The following MYLK variants were observed in gnomAD, a reference collection of about 807,000 sequenced individuals.
The protein encoded by MYLK is myosin light chain kinase, smooth muscle.
In MYLK, 106 loss-of-function variants were observed where a neutral mutation model predicts 203.4. That is an observed-to-expected ratio of 0.52 (90% confidence interval 0.45 to 0.61). The LOEUF (loss-of-function observed/expected upper bound fraction) is 0.61, where lower values mean the gene tolerates loss of function less well. Ranked by LOEUF, MYLK falls within the 20% of genes least tolerant of loss-of-function variation. The pLI is 0.00. For missense variants in MYLK, 2,072 were observed against 2,442.3 expected (o/e 0.85, Z 3.20); for synonymous variants, 867 against 959.5 (o/e 0.90, Z 1.78).
At chr3:123,719,867 C>T (rs2062025877) in intron 13 of MYLK, among the ~76,000 whole-genome samples, 1 of 152,194 alleles carries the variant, frequency 6.6e-6, no homozygotes, top group Non-Finnish European at 1.5e-5. Context: ...CCAGAGCCAA[C>T]GGGGCTGCCA....
intron 4 of MYLK, among the ~76,000 whole-genome samples, chr3:123,760,036 A>T (rs540479183): frequency 1.4e-4 from 22 of 152,340 alleles, no homozygotes; most frequent in African/African-American, 4.8e-4. Context: ...TTGGAGTCAG[A>T]CAGATCTATG....
rs539306774 is a variant in MYLK at position 123,837,350 on chromosome 3, T to C, written c.-126-5680A>G. On this transcript the variant is annotated intron_variant, in intron 2 of 33. Transcript: ENST00000360304. Reference sequence around the variant, plus strand: ...CCAGCCTGTAACATTTCCTTCAGAATTATTTTTGTTCTATACACCCTTCAG... The same window carrying C: ...CCAGCCTGTAACATTTCCTTCAGAACTATTTTTGTTCTATACACCCTTCAG... Among the ~76,000 whole-genome samples the C allele has an allele frequency of 6.6e-5, 10 of 152,122 alleles. No homozygotes were observed. In the East Asian group the frequency reaches 1.7e-3, roughly 26 times the overall value.
intron 20 of MYLK, chr3:123,681,255 G>GCCT (rs2060253477): frequency 6.6e-6 from 1 of 152,192 alleles, no homozygotes; most frequent in East Asian, 1.9e-4. Context: ...CGGGGAAGCT[G>GCCT]AGATCCAAAA....
intron 5 of MYLK, among the ~76,000 whole-genome samples, chr3:123,747,642 C>G (rs577276237): frequency 5.9e-5 from 9 of 152,346 alleles, no homozygotes; most frequent in Non-Finnish European, 1.2e-4. Flanking sequence ...CTCCCAGGCT[C>G]TGCTCCAGAC....
At chr3:123,738,228 G>A (rs573581081) in intron 7 of MYLK, among the ~76,000 whole-genome samples, 2 of 152,328 alleles carry the variant, frequency 1.3e-5, no homozygotes, top group African/African-American at 4.8e-5. Flanking sequence ...CCAGGGAGCT[G>A]TGGCTTAACA....
intron 11 of MYLK, among the ~76,000 whole-genome samples, chr3:123,729,529 G>A (rs776758283): frequency 3.9e-5 from 6 of 152,200 alleles, no homozygotes; most frequent in Admixed American, 1.3e-4. Flanking sequence ...ATATACAAAT[G>A]TCCAATAAGT....
In MYLK at chr3:123,799,095, G is replaced by A. The variant is rs143133352; in HGVS notation, c.-3-5251C>T. ...TACAAGCTAAACACAGATCAAAGGG[G>A]AAACACAGAGAAGTAAGAAGAAAAA... is the stretch of plus-strand genomic sequence containing the variant. On this transcript the variant is annotated intron_variant, in intron 3 of 33. Transcript: ENST00000360304. Among the ~76,000 whole-genome samples, 19 of 152,182 alleles carry A rather than the reference G, an allele frequency of 1.2e-4. No individual in the cohort carries two copies. In the East Asian group the frequency reaches 2.3e-3, roughly 19 times the overall value.
chr3:123,705,068 C>T (rs1246659668), intron 16 of MYLK, among the ~76,000 whole-genome samples: 1 of 152,124 alleles, frequency 6.6e-6, no homozygotes, highest in African/African-American at 2.4e-5. Flanking sequence ...CAGAAACTAC[C>T]CACCCATACC....
intron 2 of MYLK, among the ~76,000 whole-genome samples, chr3:123,842,651 C>T (rs1436127012): frequency 6.6e-6 from 1 of 152,244 alleles, no homozygotes; most frequent in Non-Finnish European, 1.5e-5. Flanking sequence ...ATCAACTTGT[C>T]TGTTCATTTC....
At chr3:123,727,587 G>T (rs1038491665) in intron 11 of MYLK, among the ~76,000 whole-genome samples, 12 of 152,138 alleles carry the variant, frequency 7.9e-5, no homozygotes, top group Non-Finnish European at 1.6e-4. Flanking sequence ...CACATCCTCA[G>T]TGAGTGTTAG....
At chr3:123,664,358 G>C in intron 22 of MYLK, 100 bp from the exon 23 acceptor site, 1 of 1,540,158 alleles carries the variant, frequency 6.5e-7, no homozygotes, top group Non-Finnish European at 9.0e-7. Flanking sequence ...GGATGCAGCT[G>C]GACAAGCTGT....
chr3:123,763,929 T>A lies in MYLK; in HGVS notation c.166-11391A>T, dbSNP rs575543472. On this transcript the variant is annotated intron_variant, in intron 4 of 33. Transcript: ENST00000360304. ...CAATGTTCTCTTCATGGAACTCCCA[T>A]GAACTGGACATGAGCCCTATTAGAC... Among the ~76,000 whole-genome samples the A allele has an allele frequency of 1.6e-4, 25 of 152,338 alleles. No individual in the cohort carries two copies. The South Asian group carries it at 5.0e-3, about 30-fold the overall frequency.
rs532284265 is a variant in MYLK, at chr3:123,687,223, A to AAAAT, written c.3566-4917_3566-4914dup. Among the ~76,000 whole-genome samples the AAAAT allele has an allele frequency of 1.7e-3, 258 of 152,292 alleles. 1 individual carries two copies. The highest frequency in any genetic ancestry group is 5.8e-3 in the African/African-American group (243 of 41,542). On this transcript the variant is annotated intron_variant, in intron 19 of 33. Transcript: ENST00000360304. Reference sequence around the variant, plus strand: ...GGCAAAAAGAGTGAAACTCTGTCTCAAAATAAATAAATAAATAAATGTGGG... The same window carrying AAAAT: ...GGCAAAAAGAGTGAAACTCTGTCTCAAAATAAATAAATAAATAAATAAATGTGGG...
chr3:123,658,377 G>C (rs1576457002), intron 23 of MYLK, among the ~76,000 whole-genome samples: 1 of 152,158 alleles, frequency 6.6e-6, no homozygotes, highest in Admixed American at 6.5e-5. Flanking sequence ...TCAAATCATG[G>C]TAGCCAATAC....
At chr3:123,718,255 T>TC (rs2061972175) in intron 13 of MYLK, among the ~76,000 whole-genome samples, 1 of 152,110 alleles carries the variant, frequency 6.6e-6, no homozygotes, top group South Asian at 2.1e-4. Context: ...AGGGAATGCC[T>TC]CCCTGCACTG....
chr3:123,659,702 A>G (rs759233786), intron 23 of MYLK: 12 of 518,302 alleles, frequency 2.3e-5, no homozygotes, highest in Non-Finnish European at 3.9e-5. Flanking sequence ...AAAAGAACAG[A>G]TGTCCTTAGA....
intron 29 of MYLK, among the ~76,000 whole-genome samples, chr3:123,637,444 C>A (rs2058681373): frequency 1.3e-5 from 2 of 152,216 alleles, no homozygotes; most frequent in Non-Finnish European, 2.9e-5. Flanking sequence ...AAGTGCCGGC[C>A]TAGATGGCTG....
rs757547787 is a variant in MYLK, at chr3:123,640,624, G to A, written c.4620-120C>T. ...TTGGCAGGAAAGCCCAGGGAATGGG[G>A]GTGATGGGCAATTCCTGAATCCCCA... On this transcript the variant is annotated intron_variant, in intron 27 of 33. Coordinates refer to ENST00000360304, the MANE Select transcript of MYLK (RefSeq NM_053025.4). The surrounding 1 kb of genome is among the most constrained non-coding windows in gnomAD (Gnocchi z 4.3). 1 of 1,006,826 alleles carries A rather than the reference G, an allele frequency of 9.9e-7. No homozygotes were observed. The highest frequency in any genetic ancestry group is 1.5e-6 in the Non-Finnish European group (1 of 653,906). 62.4% of individuals were successfully genotyped at this position (1,006,826 alleles called of 1,614,324 possible). A position where few individuals can be genotyped will look rare whatever the true frequency, so the allele number is the denominator to read the frequency against.
At chr3:123,801,659 A>G (rs1342153869) in intron 3 of MYLK, among the ~76,000 whole-genome samples, 2 of 152,184 alleles carry the variant, frequency 1.3e-5, no homozygotes, top group Non-Finnish European at 2.9e-5. Context: ...GCTTCCACTT[A>G]CAAGTGAGAA....
Sources: gnomAD v4.1 joint callset for allele counts (sites outside exome capture counted in the v4.1 genomes callset) on GRCh38, gnomAD v4.1.1 for gene constraint, Gnocchi (gnomAD v3.1) non-coding constraint, MANE v1.5 for transcripts, NCBI Gene and HGNC (gene_info 2026-07-23, HGNC 2026-07-21) for gene names.